Variants in ANXA2 observed in about 807,000 individuals in gnomAD.
The protein encoded by ANXA2 is annexin A2, also known as annexin II.
In ANXA2, 28 loss-of-function variants were observed where a neutral mutation model predicts 47.3. The observed-to-expected ratio is 0.59, with a 90% CI of 0.44 to 0.81. The LOEUF is 0.81. Among genes scored for constraint, ANXA2 ranks in the 40% least tolerant of loss-of-function variants. The pLI is 0.00. For synonymous variants in ANXA2, 172 were observed against 155.5 expected (o/e 1.11, Z -0.79); for missense variants, 384 against 414.3 (o/e 0.93, Z 0.64).
At chr15:60,392,676 G>A (rs748378864) in intron 1 of ANXA2, among the ~76,000 whole-genome samples, 1 of 152,170 alleles carries the variant, frequency 6.6e-6, no homozygotes, top group Admixed American at 6.5e-5. Flanking sequence ...ACTGCAACAG[G>A]GCTGGTCTGC....
chr15:60,371,631 G>C (rs995159985), intron 3 of ANXA2, among the ~76,000 whole-genome samples: 1 of 152,224 alleles, frequency 6.6e-6, no homozygotes, highest in Non-Finnish European at 1.5e-5. Flanking sequence ...GGTCTCGGGA[G>C]AGTGGGGGTT....
chr15:60,394,338 C>A (rs1373576469), intron 1 of ANXA2, among the ~76,000 whole-genome samples: 1 of 152,194 alleles, frequency 6.6e-6, no homozygotes, highest in South Asian at 2.1e-4. Flanking sequence ...TTCTACACCA[C>A]ACCTGGGGTA....
chr15:60,348,834 G>A (rs1022598250), intron 12 of ANXA2, among the ~76,000 whole-genome samples: 5 of 151,952 alleles, frequency 3.3e-5, no homozygotes, highest in South Asian at 4.1e-4. Context: ...CATGAACACC[G>A]ATGATCATTG....
intron 3 of ANXA2, among the ~76,000 whole-genome samples, chr15:60,375,485 G>C (rs2062763978): frequency 6.6e-6 from 1 of 152,102 alleles, no homozygotes; most frequent in Non-Finnish European, 1.5e-5. Flanking sequence ...GGACCCATAT[G>C]GTAAACCATT....
chr15:60,374,555 A>T (rs2062752232), intron 3 of ANXA2: 1 of 455,822 alleles, frequency 2.2e-6, no homozygotes, highest in Admixed American at 2.4e-5. Flanking sequence ...CAGGGAAAAG[A>T]GCTAACTGTT....
At chr15:60,376,714 A>G (rs2062784700) in intron 3 of ANXA2, among the ~76,000 whole-genome samples, 1 of 151,864 alleles carries the variant, frequency 6.6e-6, no homozygotes, top group South Asian at 2.1e-4. Context: ...AGCCTTCGTG[A>G]CTCCTGCAGC....
chr15:60,397,400 T>C, intron 1 of ANXA2: 1 of 800,882 alleles, frequency 1.2e-6, no homozygotes, highest in Non-Finnish European at 1.5e-6. Context: ...GAGGGGTGCC[T>C]ACTCACACTC....
intron 12 of ANXA2, among the ~76,000 whole-genome samples, chr15:60,347,915 C>A (rs892910078): frequency 3.3e-5 from 5 of 152,178 alleles, no homozygotes; most frequent in African/African-American, 7.2e-5. Context: ...ACACTCAAGG[C>A]TCCTTAGGAC....
intron 1 of ANXA2, chr15:60,396,383 T>A (rs2140950170): frequency 6.6e-6 from 1 of 152,270 alleles, no homozygotes; most frequent in African/African-American, 2.4e-5. Flanking sequence ...TGGACCGGCC[T>A]GGATGGCTGT....
intron 3 of ANXA2, 83 bp from the exon 4 acceptor site, chr15:60,364,606 C>A (rs1038971142): frequency 5.8e-6 from 6 of 1,035,510 alleles, no homozygotes; most frequent in Non-Finnish European, 7.1e-6. Flanking sequence ...CAGACTTTTT[C>A]AAACTGAAAT....
At position 60,376,979 on chromosome 15, in the gene ANXA2, C is replaced by A. The variant is rs368656494; in HGVS notation, c.148+5363G>T. Among the ~76,000 whole-genome samples, 49 of 152,330 alleles carry A rather than the reference C, an allele frequency of 3.2e-4. 2 individuals are homozygous for A. In the South Asian group the frequency reaches 9.7e-3, roughly 30 times the overall value. On this transcript the variant is annotated intron_variant, in intron 3 of 12. Transcript: ENST00000451270. ...ACACACACGTGTGTACACACGGCTA[C>A]CCCCGTCTAGGAGAGAAAGAGGGCC...
chr15:60,356,864 C>T (rs1204623069), intron 6 of ANXA2, among the ~76,000 whole-genome samples: 1 of 152,174 alleles, frequency 6.6e-6, no homozygotes, highest in African/African-American at 2.4e-5. Flanking sequence ...TCTCCTCATC[C>T]GATCTTGTTT....
chr15:60,393,641 A>G (rs1165937501), intron 1 of ANXA2: 4 of 985,404 alleles, frequency 4.1e-6, no homozygotes, highest in Non-Finnish European at 4.8e-6. Flanking sequence ...TAATTAGCTG[A>G]CATCTGAATG....
At chr15:60,396,341 G>T (rs958217240) in intron 1 of ANXA2, 3 of 152,142 alleles carry the variant, frequency 2.0e-5, no homozygotes, top group Admixed American at 6.6e-5. Context: ...CAGGTCCGCC[G>T]AAATGGGAAG....
At chr15:60,395,908 C>G (rs1209545289) in intron 1 of ANXA2, 1 of 152,186 alleles carries the variant, frequency 6.6e-6, no homozygotes, top group Non-Finnish European at 1.5e-5. Context: ...AACCCTTGAC[C>G]TTTAGATAAT....
intron 1 of ANXA2, among the ~76,000 whole-genome samples, chr15:60,394,341 C>A (rs1312110775): frequency 2.6e-5 from 4 of 152,218 alleles, no homozygotes; most frequent in African/African-American, 9.6e-5. Context: ...TACACCACAC[C>A]TGGGGTAAAA....
At chr15:60,353,867 T>C (rs1381460402) in intron 8 of ANXA2, among the ~76,000 whole-genome samples, 1 of 152,184 alleles carries the variant, frequency 6.6e-6, no homozygotes, top group Admixed American at 6.5e-5. Flanking sequence ...CCAACAGTCA[T>C]GTGAAGTGCA....
At chr15:60,370,057 TG>T (rs1450118890) in intron 3 of ANXA2, among the ~76,000 whole-genome samples, 1 of 152,170 alleles carries the variant, frequency 6.6e-6, no homozygotes, top group Non-Finnish European at 1.5e-5. Context: ...ATAAAGAGCC[TG>T]GGTGGTTAAC....
At chr15:60,354,320 G>A (rs2062392250) in intron 7 of ANXA2, 107 bp from the exon 8 acceptor site, 1 of 902,448 alleles carries the variant, frequency 1.1e-6, no homozygotes, top group African/African-American at 1.7e-5. Context: ...TCCTAAATAA[G>A]TAACCACGTA....
Sources: allele counts gnomAD v4.1 joint callset (sites outside exome capture counted in the v4.1 genomes callset), GRCh38; gene constraint gnomAD v4.1.1; transcripts MANE v1.5; gene names NCBI Gene and HGNC (gene_info 2026-07-23, HGNC 2026-07-21).